PLEKHM2: variants seen among roughly 807,000 people sequenced by gnomAD.
PLEKHM2 encodes the protein pleckstrin homology and RUN domain containing M2, also known as pleckstrin homology domain-containing family M member 2.
Under a neutral mutation model 116.3 loss-of-function variants are expected in PLEKHM2, and 77 were observed. The observed-to-expected ratio is 0.66, with a 90% CI of 0.55 to 0.80. The LOEUF is 0.80. Ranked by LOEUF, PLEKHM2 falls within the 30% of genes least tolerant of loss-of-function variation. PLEKHM2 has a pLI of 0.00. For missense variants in PLEKHM2, 1,183 were observed against 1,354.9 expected (o/e 0.87, Z 1.99); for synonymous variants, 562 against 571.0 (o/e 0.98, Z 0.22).
chr1:15,696,710 A>G (rs1196573445), intron 1 of PLEKHM2, among the ~76,000 whole-genome samples: 1 of 152,240 alleles, frequency 6.6e-6, no homozygotes, highest in Non-Finnish European at 1.5e-5. Flanking sequence ...AGGAATCAAC[A>G]GTGAGCAAAT....
At chr1:15,723,726 C>T (rs1283079274) in intron 7 of PLEKHM2, among the ~76,000 whole-genome samples, 1 of 134,628 alleles carries the variant, frequency 7.4e-6, no homozygotes, top group Non-Finnish European at 1.5e-5. Context: ...GTCCGAGCGA[C>T]ACAGCGAGAC....
chr1:15,685,540 T>TAAAA (rs1640750075), intron 1 of PLEKHM2, among the ~76,000 whole-genome samples: 1 of 36,526 alleles, frequency 2.7e-5, no homozygotes, highest in South Asian at 5.1e-4. Flanking sequence ...TCTCAGAAAC[T>TAAAA]GAAAAAAAAA....
rs546716780 is a variant in PLEKHM2 at position 15,706,474 on chromosome 1, C to T, written c.61-9763C>T. Among the ~76,000 whole-genome samples, 15 of 144,780 alleles carry T rather than the reference C, an allele frequency of 1.0e-4. No individual in the cohort carries two copies. In the East Asian group the frequency reaches 2.7e-3, roughly 26 times the overall value. The allele number at this position is 144,780 out of a possible 152,430, so 95.0% of individuals were successfully genotyped here. On this transcript the variant is annotated intron_variant, in intron 1 of 19. Transcript: ENST00000375799. ...AGGCTGGAGTGCAGTGGCACGATCT[C>T]GGCTCACTGCAACCTCTGCCTCCCA...
chr1:15,717,811 T>A (rs1269851489), intron 3 of PLEKHM2, 82 bp from the exon 4 acceptor site: 2 of 892,368 alleles, frequency 2.2e-6, no homozygotes, highest in African/African-American at 3.3e-5. Flanking sequence ...CTGCTCTTTC[T>A]TTCCTTTCTG....
chr1:15,704,687 CCCATCAGGCTGCTG>C (rs1266713632), intron 1 of PLEKHM2, among the ~76,000 whole-genome samples: 1 of 152,202 alleles, frequency 6.6e-6, no homozygotes, highest in Non-Finnish European at 1.5e-5. Flanking sequence ...GTGATGAGTG[CCCATCAGGCTGCTG>C]CCCCCGCCCC....
chr1:15,723,594 GC>G (rs1234961347), intron 7 of PLEKHM2, among the ~76,000 whole-genome samples: 1 of 151,942 alleles, frequency 6.6e-6, no homozygotes, highest in Non-Finnish European at 1.5e-5. Flanking sequence ...ATAAAAATTA[GC>G]CAGGCTTGGT....
chr1:15,723,851 G>A (rs1234286033), intron 7 of PLEKHM2, among the ~76,000 whole-genome samples: 1 of 152,196 alleles, frequency 6.6e-6, no homozygotes, highest in Admixed American at 6.5e-5. Flanking sequence ...CCCCAGTGGG[G>A]CTGTGGGGTG....
intron 1 of PLEKHM2, among the ~76,000 whole-genome samples, chr1:15,688,389 C>T (rs959929592): frequency 2.0e-5 from 3 of 152,052 alleles, no homozygotes; most frequent in African/African-American, 4.8e-5. Context: ...TGGTGGCTCA[C>T]GCCTGTAATC....
chr1:15,727,900 C>A lies in PLEKHM2; in HGVS notation c.1760+68C>A. On this transcript the variant is annotated intron_variant, in intron 9 of 19. Coordinates refer to ENST00000375799, the MANE Select transcript of PLEKHM2 (RefSeq NM_015164.4). This position sits in a 1 kb window ranked among gnomAD's most constrained non-coding sequence, Gnocchi z 7.5. Reference sequence around the variant, plus strand: ...GAAGCTGGGGACACTGTGCCTCTGACCTCCAGATAAATTAAGCACTAGGAA... The same window carrying A: ...GAAGCTGGGGACACTGTGCCTCTGAACTCCAGATAAATTAAGCACTAGGAA... 1 of 1,329,578 alleles carries A rather than the reference C, an allele frequency of 7.5e-7. No individual in the cohort carries two copies. Among genetic ancestry groups the A allele is most frequent in the Non-Finnish European group, 1.0e-6 (1 of 964,434 alleles). The allele number at this position is 1,329,578 out of a possible 1,614,324, so 82.4% of individuals were successfully genotyped here. A position where few individuals can be genotyped will look rare whatever the true frequency, so the allele number is the denominator to read the frequency against.
chr1:15,700,597 A>G (rs1016373105), intron 1 of PLEKHM2, among the ~76,000 whole-genome samples: 8 of 151,648 alleles, frequency 5.3e-5, no homozygotes, highest in African/African-American at 1.5e-4. Flanking sequence ...CTTAACTCCA[A>G]CTCCCTTCAC....
chr1:15,725,317 A>G lies in PLEKHM2; in HGVS notation c.713A>G (p.Asp238Gly), dbSNP rs2068048289. ...GTCTCCTGCTTCCTTGTCCTCCCAG[A>G]TGGAGACCTCACAGACACGGTCAGT... ...VPSVPSTDWE[D>G]GDLTDTVSGP... Residue 238 changes from aspartate to glycine, a missense_variant and splice_region_variant, in exon 8 of 20, where the codon GAT becomes GGT. Asp to Gly is a moderately conservative substitution (Grantham distance 94). Coordinates refer to ENST00000375799, the MANE Select transcript of PLEKHM2 (RefSeq NM_015164.4). 6.5e-7 allele frequency: 1 copy of G among 1,549,300 alleles called. No homozygotes were observed. The highest frequency in any genetic ancestry group is 8.7e-7 in the Non-Finnish European group (1 of 1,145,344).
At position 15,734,704 on chromosome 1, in the gene PLEKHM2, C is replaced by T. The variant is rs2068200108; in HGVS notation, c.*770C>T. The T allele has an allele frequency of 6.6e-6, 1 of 152,198 alleles. No individual in the cohort carries two copies. Among genetic ancestry groups the T allele is most frequent in the Non-Finnish European group, 1.5e-5 (1 of 68,046 alleles). The allele number at this position is 152,198 out of a possible 1,614,324, so 9.4% of individuals were successfully genotyped here. A position where few individuals can be genotyped will look rare whatever the true frequency, so the allele number is the denominator to read the frequency against. On this transcript the variant is annotated 3_prime_UTR_variant, in exon 20 of 20. Coordinates refer to ENST00000375799, the MANE Select transcript of PLEKHM2 (RefSeq NM_015164.4). Reference sequence around the variant, plus strand: ...TCCCTAGAGTTTCGTCAAGAGCCTCCTGGGGAAGGGGTCAGGTGGTTTGGG... The same window carrying T: ...TCCCTAGAGTTTCGTCAAGAGCCTCTTGGGGAAGGGGTCAGGTGGTTTGGG...
intron 1 of PLEKHM2, among the ~76,000 whole-genome samples, chr1:15,698,555 T>C (rs1251463208): frequency 3.4e-5 from 5 of 148,992 alleles, no homozygotes; most frequent in African/African-American, 5.0e-5. Context: ...CTTTCTTTTT[T>C]TTTTTTTTTT....
At chr1:15,716,970 A>G (rs1373309193) in intron 3 of PLEKHM2, among the ~76,000 whole-genome samples, 154 bp downstream of exon 3, 1 of 152,214 alleles carries the variant, frequency 6.6e-6, no homozygotes, top group African/African-American at 2.4e-5. Flanking sequence ...TGCCAGCACC[A>G]GGCCAGGCAT....
intron 17 of PLEKHM2, 75 bp from the exon 18 acceptor site, chr1:15,732,275 T>C (rs1366122665): frequency 3.2e-6 from 4 of 1,259,710 alleles, no homozygotes; most frequent in Non-Finnish European, 3.3e-6. Flanking sequence ...GGCTGGCTGG[T>C]CCCCTGGAGT....
In PLEKHM2 at chr1:15,684,535, G is replaced by GGTGGCGGCGACGGTGGCA. The variant is rs1640722633; in HGVS notation, c.-22_-5dup. ...GGGCGGCGGCGGCGGTGGCGGTGGC[G>GGTGGCGGCGACGGTGGCA]GTGGCGGCGACGGTGGCAGCGCCAT... On this transcript the variant is annotated 5_prime_UTR_variant, in exon 1 of 20. Transcript: ENST00000375799. The GGTGGCGGCGACGGTGGCA allele has an allele frequency of 1.4e-5, 17 of 1,175,626 alleles. No individual in the cohort carries two copies. The highest frequency in any genetic ancestry group is 1.7e-5 in the Non-Finnish European group (16 of 938,396). 72.8% of individuals were successfully genotyped at this position (1,175,626 alleles called of 1,614,324 possible). A position where few individuals can be genotyped will look rare whatever the true frequency, so the allele number is the denominator to read the frequency against.
intron 1 of PLEKHM2, among the ~76,000 whole-genome samples, chr1:15,715,975 C>A (rs1365753912): frequency 6.6e-6 from 1 of 152,176 alleles, no homozygotes; most frequent in Non-Finnish European, 1.5e-5. Context: ...ACAGTGGATC[C>A]CTCCAGCCTC....
chr1:15,714,746 A>G (rs1641409775), intron 1 of PLEKHM2, among the ~76,000 whole-genome samples: 2 of 152,204 alleles, frequency 1.3e-5, no homozygotes, highest in South Asian at 4.1e-4. Context: ...GTTTGTCCCA[A>G]GAGGTTAAAC....
At chr1:15,683,489 A>G (rs1640688257), upstream of PLEKHM2, among the ~76,000 whole-genome samples, 1 of 141,592 alleles carries the variant, frequency 7.1e-6, no homozygotes, top group Non-Finnish European at 1.5e-5. Context: ...CGAGTCTCTG[A>G]GGAGGGCCGG....
Sources: gnomAD v4.1 joint callset for allele counts (sites outside exome capture counted in the v4.1 genomes callset) on GRCh38, gnomAD v4.1.1 for gene constraint, Gnocchi (gnomAD v3.1) non-coding constraint, MANE v1.5 for transcripts, NCBI Gene and HGNC (gene_info 2026-07-23, HGNC 2026-07-21) for gene names.